RFX7: variants seen among roughly 807,000 people sequenced by gnomAD.
RFX7 encodes the protein regulatory factor X7.
A neutral mutation model predicts 111.8 loss-of-function variants in RFX7; 26 were observed. The observed-to-expected ratio is 0.23, with a 90% CI of 0.17 to 0.32. RFX7 has a LOEUF of 0.32. Among genes scored for constraint, RFX7 ranks in the 10% least tolerant of loss-of-function variants. The probability of loss-of-function intolerance (pLI) is 1.00; values close to 1 mark genes in which losing one functional copy is unlikely to be tolerated. For missense variants in RFX7, 1,573 were observed against 1,772.9 expected, an observed-to-expected ratio of 0.89 and a Z score of 2.02; for synonymous variants, 624 against 624.4, an observed-to-expected ratio of 1.00 and a Z score of 0.01.
At chr15:56,134,155 T>C (rs1463716087) in intron 5 of RFX7, among the ~76,000 whole-genome samples, 3 of 152,182 alleles carry the variant, frequency 2.0e-5, no homozygotes, top group African/African-American at 7.2e-5. Context: ...AAATCTGAGT[T>C]CTAGTCTTAG....
In RFX7 at chr15:56,142,745, A is replaced by AT. The variant is rs756407952; in HGVS notation, c.401+32dup. 711 of 1,595,832 alleles carry AT rather than the reference A, an allele frequency of 4.5e-4. 7 individuals are homozygous for AT. Among genetic ancestry groups the AT allele is most frequent in the Non-Finnish European group, 1.9e-5 (22 of 1,168,146 alleles). On this transcript the variant is annotated intron_variant, in intron 5 of 9. Transcript: ENST00000559447. ...AAGTATAGTATTTTACCTCTTTAAT[A>AT]TATCAGCATGCCATATTACACATAC...
intron 3 of RFX7, among the ~76,000 whole-genome samples, chr15:56,164,999 G>C (rs981318453): frequency 2.0e-5 from 3 of 152,098 alleles, no homozygotes; most frequent in African/African-American, 7.2e-5. Context: ...GATGGGGTGG[G>C]GATTATGGGG....
intron 5 of RFX7, among the ~76,000 whole-genome samples, chr15:56,122,261 G>C (rs1259794831): frequency 6.6e-6 from 1 of 152,170 alleles, no homozygotes; most frequent in Non-Finnish European, 1.5e-5. Context: ...GTCCAGTAAT[G>C]TGGTTCTTGC....
At chr15:56,122,070 T>G (rs996396989) in intron 5 of RFX7, among the ~76,000 whole-genome samples, 4 of 152,196 alleles carry the variant, frequency 2.6e-5, no homozygotes, top group Non-Finnish European at 5.9e-5. Flanking sequence ...ATGGTCTTGA[T>G]GCTTGTGAAT....
Position 56,096,579 on chromosome 15 carries a change from C to G in RFX7, c.1149G>C (p.Met383Ile), listed in dbSNP as rs779809085. ...TRQLVTSPSP[M>I]SSSDGKVLPL... Reference sequence around the variant, plus strand: ...GAAGAACTTTGCCGTCAGAAGAACTCATTGGACTCGGTGAAGTTACCAATT... The same window carrying G: ...GAAGAACTTTGCCGTCAGAAGAACTGATTGGACTCGGTGAAGTTACCAATT... Residue 383 changes from methionine (M) to isoleucine (I), a missense_variant, in exon 10 of 10, where the codon ATG becomes ATC. By Grantham distance (10) the Met-to-Ile change is conservative. Transcript: ENST00000559447. 1 of 1,595,598 alleles carries G rather than the reference C, an allele frequency of 6.3e-7. No homozygotes were observed. Among genetic ancestry groups the G allele is most frequent in the Admixed American group, 1.8e-5 (1 of 57,118 alleles).
chr15:56,120,762 G>C (rs1280976808), intron 5 of RFX7, among the ~76,000 whole-genome samples: 2 of 152,024 alleles, frequency 1.3e-5, no homozygotes, highest in South Asian at 4.1e-4. Flanking sequence ...TGTATCTGTT[G>C]TATGTTTTTA....
chr15:56,164,587 A>C (rs1225991156), intron 3 of RFX7, among the ~76,000 whole-genome samples: 1 of 152,216 alleles, frequency 6.6e-6, no homozygotes, highest in African/African-American at 2.4e-5. Flanking sequence ...AATTCCACAC[A>C]GATAACCATG....
intron 3 of RFX7, among the ~76,000 whole-genome samples, chr15:56,157,159 C>A (rs781649550): frequency 3.2e-4 from 49 of 152,126 alleles, no homozygotes; most frequent in Non-Finnish European, 1.2e-4. Flanking sequence ...CTAGTTGTAG[C>A]CTGTCTATTC....
chr15:56,137,251 C>G (rs1252175808), intron 5 of RFX7, among the ~76,000 whole-genome samples: 19 of 152,068 alleles, frequency 1.2e-4, no homozygotes, highest in African/African-American at 4.3e-4. Flanking sequence ...GTCCTGGACT[C>G]TTTTTGGTTG....
At chr15:56,123,570 G>T (rs768261189) in intron 5 of RFX7, among the ~76,000 whole-genome samples, 2 of 152,162 alleles carry the variant, frequency 1.3e-5, no homozygotes, top group Non-Finnish European at 2.9e-5. Flanking sequence ...GGCCACCCTG[G>T]CTGGTGTCTC....
chr15:56,178,390 GAC>G (rs1204983675), intron 3 of RFX7, among the ~76,000 whole-genome samples: 3 of 152,060 alleles, frequency 2.0e-5, no homozygotes, highest in Admixed American at 1.3e-4. Flanking sequence ...AAGCTAATAA[GAC>G]ATCATACTAT....
At position 56,137,509 on chromosome 15, in the gene RFX7, TTTC is replaced by T. The variant is rs1237325438; in HGVS notation, c.401+5266_401+5268del. On this transcript the variant is annotated intron_variant, in intron 5 of 9. Coordinates refer to ENST00000559447, the MANE Select transcript of RFX7 (RefSeq NM_022841.7). ...CATCTATTCGATTCTTCTCTCTTTT[TTTC>T]TTATTAGTCTTGCTAGCGGTCTATC... Among the ~76,000 whole-genome samples, 9 of 152,304 alleles carry T rather than the reference TTTC, an allele frequency of 5.9e-5. No homozygotes were observed. The East Asian group carries it at 1.7e-3, about 29-fold the overall frequency.
chr15:56,233,951 CTATT>C (rs776914779), intron 2 of RFX7, among the ~76,000 whole-genome samples: 6 of 152,178 alleles, frequency 3.9e-5, no homozygotes, highest in Non-Finnish European at 7.3e-5. Flanking sequence ...CCATTTTCCT[CTATT>C]TATTCACATT....
chr15:56,110,494 A>C (rs1489563702), intron 5 of RFX7, among the ~76,000 whole-genome samples: 17 of 104,874 alleles, frequency 1.6e-4, no homozygotes, highest in African/African-American at 5.7e-4. Flanking sequence ...CCTACTGGGA[A>C]GTGAGGAGCC....
At chr15:56,218,882 A>T (rs1294210041) in intron 2 of RFX7, among the ~76,000 whole-genome samples, 1 of 152,228 alleles carries the variant, frequency 6.6e-6, no homozygotes, top group Non-Finnish European at 1.5e-5. Flanking sequence ...CACCAATATC[A>T]GATAACAGAG....
At chr15:56,149,453 C>G (rs532488469) in intron 3 of RFX7, among the ~76,000 whole-genome samples, 1 of 152,142 alleles carries the variant, frequency 6.6e-6, no homozygotes, top group African/African-American at 2.4e-5. Flanking sequence ...CAATTCCCAG[C>G]GAGATTGATG....
At chr15:56,119,978 T>C (rs1159587505) in intron 5 of RFX7, among the ~76,000 whole-genome samples, 9 of 152,144 alleles carry the variant, frequency 5.9e-5, no homozygotes, top group Non-Finnish European at 1.5e-5. Context: ...AGGATATCTC[T>C]GGCTACTCTG....
chr15:56,106,941 CT>C (rs2041837177), intron 5 of RFX7, among the ~76,000 whole-genome samples: 1 of 152,118 alleles, frequency 6.6e-6, no homozygotes, highest in African/African-American at 2.4e-5. Context: ...TCAGATTATA[CT>C]TTGCAAGACT....
chr15:56,136,638 C>A (rs1335434710), intron 5 of RFX7, among the ~76,000 whole-genome samples: 11 of 151,992 alleles, frequency 7.2e-5, no homozygotes, highest in South Asian at 4.2e-4. Flanking sequence ...CCCTGGCCAG[C>A]ACTTCCAACA....
Sources: gnomAD v4.1 joint callset for allele counts (sites outside exome capture counted in the v4.1 genomes callset) on GRCh38, gnomAD v4.1.1 for gene constraint, MANE v1.5 for transcripts, NCBI Gene and HGNC (gene_info 2026-07-23, HGNC 2026-07-21) for gene names.